EYA2: variants seen among roughly 807,000 people sequenced by gnomAD.
EYA2 encodes EYA transcriptional coactivator and phosphatase 2.
In EYA2, 31 loss-of-function variants were observed where a neutral mutation model predicts 69.2. That is an observed-to-expected ratio of 0.45 (90% CI 0.34 to 0.60). EYA2 has a LOEUF of 0.60. EYA2 is among the 20% of genes least tolerant of loss of function. The pLI is 0.02. For synonymous variants in EYA2, 257 were observed against 279.4 expected (o/e 0.92, Z 0.80); for missense variants, 622 against 701.2 (o/e 0.89, Z 1.28).
intron 10 of EYA2, among the ~76,000 whole-genome samples, chr20:47,158,120 G>A (rs929170384): frequency 6.6e-6 from 1 of 151,878 alleles, no homozygotes; most frequent in Non-Finnish European, 1.5e-5. Context: ...TGAAAAGAGG[G>A]GTCTGGACTA....
intron 15 of EYA2, among the ~76,000 whole-genome samples, chr20:47,185,887 C>T (rs1479355033): frequency 1.3e-5 from 2 of 152,152 alleles, no homozygotes; most frequent in Non-Finnish European, 1.5e-5. Context: ...TTCATTCCTT[C>T]TACGAATATT....
chr20:46,917,332 T>A (rs1259973286), intron 1 of EYA2, among the ~76,000 whole-genome samples: 1 of 152,186 alleles, frequency 6.6e-6, no homozygotes, highest in East Asian at 1.9e-4. Context: ...AAGAGGGGAA[T>A]TACTGTCCCC....
intron 2 of EYA2, among the ~76,000 whole-genome samples, chr20:46,998,997 AAGGCAGGTTGCTCAATTCAG>A (rs1982199512): frequency 6.6e-6 from 1 of 152,062 alleles, no homozygotes; most frequent in Non-Finnish European, 1.5e-5. Flanking sequence ...TCTGCTGGGG[AAGGCAGGTTGCTCAATTCAG>A]AGGAACTGGG....
At chr20:47,176,443 G>C (rs6063080) in intron 12 of EYA2, among the ~76,000 whole-genome samples, 1 of 151,934 alleles carries the variant, frequency 6.6e-6, no homozygotes, top group Admixed American at 6.6e-5. Flanking sequence ...ATATGGCAGA[G>C]AGCCCAGCGT....
At chr20:46,948,109 CAA>C (rs72010207) in intron 1 of EYA2, among the ~76,000 whole-genome samples, 11 of 134,002 alleles carry the variant, frequency 8.2e-5, no homozygotes, top group African/African-American at 1.7e-4. Flanking sequence ...GACCTTGTCT[CAA>C]AAAAAAAAAA....
intron 10 of EYA2, among the ~76,000 whole-genome samples, chr20:47,147,085 T>G (rs2033718723): frequency 7.2e-6 from 1 of 138,958 alleles, no homozygotes; most frequent in South Asian, 2.4e-4. Flanking sequence ...TGAGACAGTC[T>G]CACTCTGTTG....
At chr20:46,957,556 C>T (rs1303900137) in intron 1 of EYA2, among the ~76,000 whole-genome samples, 1 of 150,496 alleles carries the variant, frequency 6.6e-6, no homozygotes, top group African/African-American at 2.5e-5. Context: ...CACACACACA[C>T]ACACACACAC....
chr20:47,027,340 G>GA (rs1984151600), intron 5 of EYA2, among the ~76,000 whole-genome samples: 1 of 152,198 alleles, frequency 6.6e-6, no homozygotes. Context: ...GGCATCCTAT[G>GA]GGTTGTTGGA....
intron 5 of EYA2, among the ~76,000 whole-genome samples, chr20:47,064,211 C>A (rs1166692887): frequency 6.6e-6 from 1 of 152,244 alleles, no homozygotes; most frequent in Admixed American, 6.5e-5. Context: ...CCCTCCTCAG[C>A]CTCCCAAAGT....
intron 9 of EYA2, among the ~76,000 whole-genome samples, 163 bp from the exon 10 acceptor site, chr20:47,142,896 A>AT (rs57776192): frequency 0.049 from 7,432 of 152,290 alleles, 596 homozygotes; most frequent in African/African-American, 0.17. Flanking sequence ...GTACAACATG[A>AT]TTATCACACC....
intron 5 of EYA2, among the ~76,000 whole-genome samples, chr20:47,048,462 G>A (rs564080533): frequency 1.3e-5 from 2 of 152,320 alleles, no homozygotes; most frequent in South Asian, 4.1e-4. Flanking sequence ...TGCAGGCCGG[G>A]TGCAGTGGCC....
intron 9 of EYA2, among the ~76,000 whole-genome samples, chr20:47,127,592 C>T (rs575153931): frequency 6.6e-6 from 1 of 152,184 alleles, no homozygotes; most frequent in Admixed American, 6.5e-5. Context: ...ATGAAGAGCA[C>T]AAAGCAGATT....
chr20:47,165,228 C>T (rs1212306045), intron 10 of EYA2, among the ~76,000 whole-genome samples: 1 of 152,160 alleles, frequency 6.6e-6, no homozygotes, highest in East Asian at 1.9e-4. Flanking sequence ...TGCTTGACTA[C>T]TGCAAAAAAG....
At chr20:46,960,294 C>T (rs1280294144) in intron 1 of EYA2, among the ~76,000 whole-genome samples, 3 of 152,112 alleles carry the variant, frequency 2.0e-5, no homozygotes, top group Non-Finnish European at 4.4e-5. Context: ...TAGAGAGACA[C>T]TTTACCCACG....
intron 1 of EYA2, among the ~76,000 whole-genome samples, chr20:46,909,996 A>T (rs955666340): frequency 6.6e-6 from 1 of 152,196 alleles, no homozygotes; most frequent in Non-Finnish European, 1.5e-5. Flanking sequence ...GGCCTGGAAG[A>T]TTATCTTTTA....
intron 1 of EYA2, among the ~76,000 whole-genome samples, chr20:46,967,025 C>T (rs1979830086): frequency 1.3e-5 from 2 of 152,136 alleles, no homozygotes; most frequent in Admixed American, 6.5e-5. Flanking sequence ...CAGAGTCTTA[C>T]TCTGTCACCC....
chr20:47,047,690 C>T (rs1047085010), intron 5 of EYA2, among the ~76,000 whole-genome samples: 9 of 151,980 alleles, frequency 5.9e-5, no homozygotes, highest in African/African-American at 2.2e-4. Flanking sequence ...CCCAGCCTGT[C>T]TCTCATTTTT....
At chr20:47,072,468 A>G (rs1600687499) in intron 6 of EYA2, among the ~76,000 whole-genome samples, 1 of 150,400 alleles carries the variant, frequency 6.6e-6, no homozygotes, top group South Asian at 2.1e-4. Context: ...AAGATTCCTG[A>G]GATGTCATGG....
In EYA2 at chr20:47,179,855, C is replaced by A; in HGVS notation, c.1256C>A (p.Ala419Asp). 1.2e-6 allele frequency: 2 copies of A among 1,614,118 alleles called. No homozygotes were observed. The highest frequency in any genetic ancestry group is 1.7e-6 in the Non-Finnish European group (2 of 1,180,002). The change falls in exon 13 of 16, where the codon GCT (alanine) becomes GAT (aspartate). Residue 419 changes from alanine to aspartate, a missense_variant. By Grantham distance (126) the Ala-to-Asp change is moderately radical. Around this residue, in one of 2 missense-constraint regions of EYA2, gnomAD observed 257 missense variants for 351.5 expected, o/e 0.73. Transcript: ENST00000327619. Reference protein sequence around the residue: ...TWLQLRAELEALTDLWLTHSL... With the variant: ...TWLQLRAELEDLTDLWLTHSL... Reference sequence around the variant, plus strand: ...CTACAGCTCCGAGCTGAGCTGGAAGCTCTCACAGACCTCTGGCTGACCCAC... The same window carrying A: ...CTACAGCTCCGAGCTGAGCTGGAAGATCTCACAGACCTCTGGCTGACCCAC...
Sources: allele counts gnomAD v4.1 joint callset (sites outside exome capture counted in the v4.1 genomes callset), GRCh38; gene constraint gnomAD v4.1.1; regional missense constraint gnomAD v4.1.1; transcripts MANE v1.5; gene names NCBI Gene and HGNC (gene_info 2026-07-23, HGNC 2026-07-21).